The following DPP6 variants were observed in gnomAD, a reference collection of about 807,000 sequenced individuals.
DPP6 encodes the protein dipeptidyl peptidase like 6.
DPP6 carries 69 observed loss-of-function variants against 122.6 expected under a neutral mutation model. The observed-to-expected ratio is 0.56, with a 90% CI of 0.46 to 0.69. The LOEUF (loss-of-function observed/expected upper bound fraction) is 0.69. DPP6 is among the 30% of genes least tolerant of loss of function. The pLI is 0.00. For missense variants in DPP6, 928 were observed against 1,116.9 expected (o/e 0.83, Z 2.41); for synonymous variants, 418 against 433.1 (o/e 0.97, Z 0.43).
In DPP6 at chr7:154,691,106, C is replaced by T. The variant is rs186419685; in HGVS notation, c.762+21665C>T. Among the ~76,000 whole-genome samples, 11 of 152,324 alleles carry T rather than the reference C, an allele frequency of 7.2e-5. No homozygotes were observed. The East Asian group carries it at 2.1e-3, about 29-fold the overall frequency. ...GTGCAACTCAAATGCTTTGCTGGAACTGTTTTTCTCCATACAATGTACGGG... is the reference window on the plus strand; with the variant it reads ...GTGCAACTCAAATGCTTTGCTGGAATTGTTTTTCTCCATACAATGTACGGG... On this transcript the variant is annotated intron_variant, in intron 7 of 25. Transcript: ENST00000377770.
chr7:154,119,482 G>T (rs1208718512), intron 1 of DPP6, among the ~76,000 whole-genome samples: 1 of 151,848 alleles, frequency 6.6e-6, no homozygotes. Context: ...CAACGTCTGT[G>T]TACCTTGTTC....
chr7:154,046,531 G>C (rs1800024799), intron 1 of DPP6, among the ~76,000 whole-genome samples: 1 of 152,210 alleles, frequency 6.6e-6, no homozygotes, highest in Non-Finnish European at 1.5e-5. Context: ...TTTATAGGTT[G>C]GAAATGCAAT....
At chr7:154,136,615 A>G (rs968900813) in intron 1 of DPP6, among the ~76,000 whole-genome samples, 13 of 152,096 alleles carry the variant, frequency 8.5e-5, no homozygotes, top group Admixed American at 2.0e-4. Context: ...ACATAAACAC[A>G]TATCTTCTTC....
Position 154,821,628 on chromosome 7 carries a change from G to GTATATATATATATATATACACA in DPP6, c.1666+14531_1666+14552dup, listed in dbSNP as rs1799768466. Among the ~76,000 whole-genome samples, 2 of 68,368 alleles carry GTATATATATATATATATACACA rather than the reference G, an allele frequency of 2.9e-5. No individual in the cohort carries two copies. Among genetic ancestry groups the GTATATATATATATATATACACA allele is most frequent in the Admixed American group, 3.3e-4 (2 of 6,120 alleles). 44.9% of individuals were successfully genotyped at this position (68,368 alleles called of 152,430 possible). On this transcript the variant is annotated intron_variant, in intron 16 of 25. Transcript: ENST00000377770. The surrounding 1 kb of genome is among the most constrained non-coding windows in gnomAD (Gnocchi z 4.2). ...ATATATATATATATATTTTTTTTCT[G>GTATATATATATATATATACACA]TATATATATATATATATACACATAT...
At chr7:154,224,896 A>G (rs1800505506) in intron 1 of DPP6, among the ~76,000 whole-genome samples, 1 of 151,976 alleles carries the variant, frequency 6.6e-6, no homozygotes, top group Non-Finnish European at 1.5e-5. Context: ...TAATCCCAGC[A>G]CTTTGGGAGG....
intron 1 of DPP6, among the ~76,000 whole-genome samples, chr7:154,192,629 G>A (rs74929667): frequency 7.2e-5 from 11 of 152,256 alleles, no homozygotes; most frequent in Non-Finnish European, 1.6e-4. Context: ...GCAGAAGCTT[G>A]AGGAAGGCCA....
chr7:154,574,581 GTGTA>G (rs1202775585), intron 5 of DPP6, among the ~76,000 whole-genome samples: 2 of 144,644 alleles, frequency 1.4e-5, no homozygotes, highest in African/African-American at 2.6e-5. Flanking sequence ...TGTGGTGTGT[GTGTA>G]TGTGTGTGGG....
chr7:154,325,678 G>A (rs997838395), intron 1 of DPP6, among the ~76,000 whole-genome samples: 3 of 152,098 alleles, frequency 2.0e-5, no homozygotes, highest in African/African-American at 7.2e-5. Context: ...ATTTTCATTA[G>A]AAACTAAAGA....
intron 1 of DPP6, among the ~76,000 whole-genome samples, chr7:153,937,512 G>C (rs1016010485): frequency 7.2e-6 from 1 of 139,002 alleles, no homozygotes; most frequent in African/African-American, 2.8e-5. Context: ...ACAGTGGCGC[G>C]ATCTCGCCCA....
intron 1 of DPP6, among the ~76,000 whole-genome samples, chr7:153,945,596 G>T (rs1339631621): frequency 6.6e-6 from 1 of 152,208 alleles, no homozygotes; most frequent in Admixed American, 6.5e-5. Flanking sequence ...GAGGCGCTTG[G>T]AGGCACAGAA....
At chr7:154,298,049 C>T (rs1207393803) in intron 1 of DPP6, among the ~76,000 whole-genome samples, 1 of 152,084 alleles carries the variant, frequency 6.6e-6, no homozygotes, top group African/African-American at 2.4e-5. Flanking sequence ...GAGCAGGTCC[C>T]CCTCTACCAT....
At chr7:154,544,135 GTATTTTATATATA>G (rs1828968868) in intron 4 of DPP6, among the ~76,000 whole-genome samples, 1 of 144,796 alleles carries the variant, frequency 6.9e-6, no homozygotes, top group East Asian at 2.0e-4. Flanking sequence ...ACAAATATAT[GTATTTTATATATA>G]TATTTTATAT....
rs562195658 is a variant in DPP6, at chr7:154,875,458, T to C, written c.1884-448T>C. Among the ~76,000 whole-genome samples the C allele has an allele frequency of 3.3e-5, 5 of 152,304 alleles. No homozygotes were observed. In the South Asian group the frequency reaches 1.0e-3, roughly 32 times the overall value. ...GACTTAACAAGAGACAGACCACGTC[T>C]TCAAGCCAGGGATGTGGCTAGAGTC... On this transcript the variant is annotated intron_variant, in intron 19 of 25. Coordinates refer to ENST00000377770, the MANE Select transcript of DPP6 (RefSeq NM_130797.4). The surrounding 1 kb of genome is among the most constrained non-coding windows in gnomAD (Gnocchi z 4.5).
intron 21 of DPP6, chr7:154,884,214 T>A (rs2150686583): frequency 7.7e-6 from 1 of 130,664 alleles, no homozygotes; most frequent in Non-Finnish European, 1.6e-5. Flanking sequence ...CATACACGAT[T>A]ACATGCACCT....
intron 1 of DPP6, among the ~76,000 whole-genome samples, chr7:153,946,344 C>T (rs11975562): frequency 0.26 from 39,147 of 151,958 alleles, 5,143 homozygotes; most frequent in Non-Finnish European, 0.28. Flanking sequence ...AGAGATTTCA[C>T]GGAACTGAGA....
the DPP6 span, among the ~76,000 whole-genome samples, chr7:153,765,578 G>C: frequency 2.0e-5 from 3 of 151,592 alleles, no homozygotes; most frequent in African/African-American, 7.3e-5. Flanking sequence ...AAAACACCTA[G>C]GTAGTTGATG....
At chr7:154,210,853 G>GAC (rs1799702834) in intron 1 of DPP6, among the ~76,000 whole-genome samples, 5 of 151,128 alleles carry the variant, frequency 3.3e-5, no homozygotes, top group South Asian at 2.1e-4. Context: ...AAAGACAAAA[G>GAC]AAAAAGGCAG....
intron 1 of DPP6, among the ~76,000 whole-genome samples, chr7:154,066,325 G>C (rs1802721301): frequency 6.6e-6 from 1 of 152,178 alleles, no homozygotes; most frequent in Non-Finnish European, 1.5e-5. Context: ...CTCCCAAAGT[G>C]TTGGGATTAT....
the DPP6 span, among the ~76,000 whole-genome samples, chr7:153,869,916 G>T: frequency 6.6e-6 from 1 of 152,156 alleles, no homozygotes; most frequent in Admixed American, 6.6e-5. Flanking sequence ...ATGAAGCTTA[G>T]TTTGGCTGGA....
Sources: allele counts gnomAD v4.1 joint callset (sites outside exome capture counted in the v4.1 genomes callset), GRCh38; gene constraint gnomAD v4.1.1; non-coding constraint Gnocchi (gnomAD v3.1); transcripts MANE v1.5; gene names NCBI Gene and HGNC (gene_info 2026-07-23, HGNC 2026-07-21).